SOX5: variants seen among roughly 807,000 people sequenced by gnomAD.
SOX5 encodes the protein SRY-box transcription factor 5, also known as transcription factor SOX-5.
A neutral mutation model predicts 92.0 loss-of-function variants in SOX5; 9 were observed. That is an observed-to-expected ratio of 0.10 (90% CI 0.06 to 0.17). The LOEUF (loss-of-function observed/expected upper bound fraction) is 0.17. Ranked by LOEUF, SOX5 falls within the 10% of genes least tolerant of loss-of-function variation. SOX5 has a pLI of 1.00. For synonymous variants in SOX5, 344 were observed against 336.3 expected, an observed-to-expected ratio of 1.02 and a Z score of -0.25; for missense variants, 642 against 944.5, an observed-to-expected ratio of 0.68 and a Z score of 4.20.
chr12:24,526,262 T>C (rs568202053), intron 1 of SOX5, among the ~76,000 whole-genome samples: 1 of 151,654 alleles, frequency 6.6e-6, no homozygotes, highest in South Asian at 2.1e-4. Flanking sequence ...GTGTTTTTCC[T>C]CTTAAAATGG....
At chr12:23,741,885 G>T (rs2093810168) in intron 4 of SOX5, among the ~76,000 whole-genome samples, 1 of 152,060 alleles carries the variant, frequency 6.6e-6, no homozygotes, top group Non-Finnish European at 1.5e-5. Context: ...ACATGCCAAT[G>T]AATCTTATTA....
intron 4 of SOX5, among the ~76,000 whole-genome samples, chr12:24,003,297 T>C (rs938569098): frequency 2.6e-5 from 4 of 152,004 alleles, no homozygotes; most frequent in Non-Finnish European, 5.9e-5. Flanking sequence ...GTACTGGAGG[T>C]TCTAGCCAGT....
intron 2 of SOX5, among the ~76,000 whole-genome samples, chr12:24,328,072 C>T (rs565023207): frequency 6.6e-6 from 1 of 152,328 alleles, no homozygotes; most frequent in Admixed American, 6.5e-5. Flanking sequence ...TTAACCACAT[C>T]TATCTTTCTA....
In SOX5 at chr12:23,706,760, T is replaced by A. The variant is rs530882968; in HGVS notation, c.810+27924A>T. On this transcript the variant is annotated intron_variant, in intron 6 of 14. Transcript: ENST00000451604. ...TTTTAAAACCTTAAAATATTAACCA[T>A]AGAGAACTTTGACATAAAGTGTTAT... Among the ~76,000 whole-genome samples, 54 of 152,156 alleles carry A rather than the reference T, an allele frequency of 3.5e-4. No individual in the cohort carries two copies. The South Asian group carries it at 7.5e-3, about 21-fold the overall frequency.
At chr12:24,197,866 T>G (rs1359472884) in intron 4 of SOX5, among the ~76,000 whole-genome samples, 1 of 152,190 alleles carries the variant, frequency 6.6e-6, no homozygotes, top group African/African-American at 2.4e-5. Flanking sequence ...AATTGCTAAG[T>G]GATAGGGACT....
intron 3 of SOX5, among the ~76,000 whole-genome samples, chr12:24,242,931 AG>A (rs1343030065): frequency 1.3e-5 from 2 of 152,176 alleles, no homozygotes; most frequent in African/African-American, 4.8e-5. Context: ...CATTTTCCAA[AG>A]CAAATAACAG....
At chr12:24,254,064 A>ACAT (rs1049927849) in intron 3 of SOX5, among the ~76,000 whole-genome samples, 1 of 152,096 alleles carries the variant, frequency 6.6e-6, no homozygotes, top group Non-Finnish European at 1.5e-5. Context: ...ATGACCATCA[A>ACAT]CATCATCATC....
chr12:23,645,858 T>G (rs1375805836), intron 7 of SOX5, among the ~76,000 whole-genome samples: 1 of 152,200 alleles, frequency 6.6e-6, no homozygotes, highest in Non-Finnish European at 1.5e-5. Flanking sequence ...GGAGATATTG[T>G]AAGTTTGAAT....
chr12:23,584,687 C>T (rs1331163559), intron 9 of SOX5: 1 of 980,700 alleles, frequency 1.0e-6, no homozygotes, highest in East Asian at 2.5e-5. Flanking sequence ...TGAGTGAAGG[C>T]CAAATTGTCT....
chr12:24,069,397 A>ATTT (rs1941412085), intron 4 of SOX5, among the ~76,000 whole-genome samples: 2 of 152,360 alleles, frequency 1.3e-5, no homozygotes, highest in South Asian at 4.1e-4. Flanking sequence ...TTAATCTAAA[A>ATTT]TTAGAGTGTA....
At chr12:23,719,281 T>A (rs1054331801) in intron 6 of SOX5, among the ~76,000 whole-genome samples, 1 of 152,208 alleles carries the variant, frequency 6.6e-6, no homozygotes, top group Non-Finnish European at 1.5e-5. Context: ...GCAGGTTTTG[T>A]TTACATGTAT....
chr12:23,937,604 T>A (rs1942855740), intron 1 of SOX5, among the ~76,000 whole-genome samples: 1 of 150,996 alleles, frequency 6.6e-6, no homozygotes. Context: ...AACAGTACTT[T>A]ATCTCATAAC....
intron 6 of SOX5, among the ~76,000 whole-genome samples, chr12:23,677,638 A>T (rs2085926437): frequency 6.6e-6 from 1 of 152,182 alleles, no homozygotes; most frequent in Non-Finnish European, 1.5e-5. Flanking sequence ...AACTCTGTGC[A>T]TTATTCTTAT....
chr12:24,219,992 T>C (rs1470384517), intron 3 of SOX5, among the ~76,000 whole-genome samples: 5 of 152,268 alleles, frequency 3.3e-5, no homozygotes, highest in Middle Eastern at 3.4e-3. Flanking sequence ...TTTAAAGTGA[T>C]GATTAATTGA....
chr12:24,053,521 TTACTC>T (rs1215712973), intron 4 of SOX5, among the ~76,000 whole-genome samples: 5 of 152,150 alleles, frequency 3.3e-5, no homozygotes, highest in African/African-American at 1.2e-4. Context: ...TGGGCACTGT[TTACTC>T]TATAAAGAAG....
chr12:23,952,623 T>C (rs773386642), upstream of SOX5, among the ~76,000 whole-genome samples: 6 of 152,174 alleles, frequency 3.9e-5, no homozygotes, highest in African/African-American at 7.2e-5. Flanking sequence ...AAAGACAAAT[T>C]ATTTCTTGCA....
At chr12:24,216,898 G>A (rs1479504819) in intron 3 of SOX5, among the ~76,000 whole-genome samples, 4 of 152,116 alleles carry the variant, frequency 2.6e-5, no homozygotes, top group South Asian at 2.1e-4. Flanking sequence ...ACTGCACTCC[G>A]GCCTGAGCAA....
chr12:24,388,133 C>T (rs185948116), intron 1 of SOX5, among the ~76,000 whole-genome samples: 1 of 152,206 alleles, frequency 6.6e-6, no homozygotes, highest in Non-Finnish European at 1.5e-5. Flanking sequence ...CCATCACCAT[C>T]TCAGATTTTG....
Position 23,707,155 on chromosome 12 carries a change from T to C in SOX5, c.810+27529A>G, listed in dbSNP as rs2140303547. On this transcript the variant is annotated intron_variant, in intron 6 of 14. Coordinates refer to ENST00000451604, the MANE Select transcript of SOX5 (RefSeq NM_006940.6). The stretch of plus-strand genomic sequence containing the variant: ...GGTTTAAGTTTTATTCTATTGAAGG[T>C]ATGGCTGTAGTCACCTTGCATGTGC... Among the ~76,000 whole-genome samples the C allele has an allele frequency of 1.3e-5, 2 of 152,278 alleles. 1 individual carries two copies. Among genetic ancestry groups the C allele is most frequent in the South Asian group, 4.1e-4 (2 of 4,828 alleles).
Sources: gnomAD v4.1 joint callset for allele counts (sites outside exome capture counted in the v4.1 genomes callset) on GRCh38, gnomAD v4.1.1 for gene constraint, MANE v1.5 for transcripts, NCBI Gene and HGNC (gene_info 2026-07-23, HGNC 2026-07-21) for gene names.